GRIN2B: variants seen among roughly 807,000 people sequenced by gnomAD.
GRIN2B encodes glutamate receptor ionotropic, NMDA 2B.
In GRIN2B, 5 loss-of-function variants were observed where a neutral mutation model predicts 114.5. The ratio of observed to expected loss-of-function variants is 0.04; its 90% confidence interval spans 0.02 to 0.09. The LOEUF (loss-of-function observed/expected upper bound fraction) is 0.09, where lower values mean the gene tolerates loss of function less well. Ranked by LOEUF, GRIN2B falls within the 10% of genes least tolerant of loss-of-function variation. GRIN2B has a pLI of 1.00. For synonymous variants in GRIN2B, 787 were observed against 745.1 expected, an observed-to-expected ratio of 1.06 and a Z score of -0.92; for missense variants, 1,108 against 1,943.5, an observed-to-expected ratio of 0.57 and a Z score of 8.08.
intron 2 of GRIN2B, among the ~76,000 whole-genome samples, chr12:13,896,177 G>T (rs944025677): frequency 2.6e-5 from 4 of 152,200 alleles, no homozygotes; most frequent in South Asian, 2.1e-4. Context: ...CAACGAGGAG[G>T]CTCCTTTAAC....
At chr12:13,907,007 T>C (rs758233475) in intron 2 of GRIN2B, among the ~76,000 whole-genome samples, 4 of 152,234 alleles carry the variant, frequency 2.6e-5, no homozygotes, top group Non-Finnish European at 5.9e-5. Context: ...TGGTGTCAGA[T>C]GTTTCACATA....
intron 3 of GRIN2B, among the ~76,000 whole-genome samples, chr12:13,797,328 C>T (rs556741763): frequency 2.0e-5 from 3 of 152,336 alleles, no homozygotes; most frequent in South Asian, 4.1e-4. Flanking sequence ...CCCCCTAATA[C>T]ATCATCACCT....
chr12:13,829,788 G>T (rs189012683), intron 3 of GRIN2B, among the ~76,000 whole-genome samples: 99 of 152,316 alleles, frequency 6.5e-4, no homozygotes, highest in African/African-American at 2.3e-3. Flanking sequence ...GAGAAGGATA[G>T]AAAGATGACT....
At chr12:13,785,386 C>A (rs1864206233) in intron 3 of GRIN2B, among the ~76,000 whole-genome samples, 1 of 152,192 alleles carries the variant, frequency 6.6e-6, no homozygotes, top group African/African-American at 2.4e-5. Context: ...GTGTGAACTA[C>A]TCAGATGGCC....
intron 11 of GRIN2B, among the ~76,000 whole-genome samples, chr12:13,570,807 G>A (rs1369358886): frequency 6.6e-6 from 1 of 152,184 alleles, no homozygotes; most frequent in Non-Finnish European, 1.5e-5. Flanking sequence ...TAGCCTTACA[G>A]GCAATAGAGA....
chr12:13,926,396 A>G (rs556099918), intron 2 of GRIN2B, among the ~76,000 whole-genome samples: 4 of 152,138 alleles, frequency 2.6e-5, no homozygotes, highest in Admixed American at 6.5e-5. Context: ...CACCTAAACA[A>G]TGTGCATTGC....
At position 13,565,614 on chromosome 12, in the gene GRIN2B, C is replaced by T. The variant is rs1011511469; in HGVS notation, c.2599-975G>A. ...CTCCTTCTCACATCTTGTTCCCTGC[C>T]TGGAAAGGTGGACAAACTTGGAACT... is the stretch of plus-strand genomic sequence containing the variant. On this transcript the variant is annotated intron_variant, in intron 13 of 13. Transcript: ENST00000609686. 9.2e-5 allele frequency among the ~76,000 whole-genome samples: 14 copies of T among 152,096 alleles called. 1 individual carries two copies. Among genetic ancestry groups the T allele is most frequent in the African/African-American group, 3.4e-4 (14 of 41,398 alleles).
chr12:13,811,179 G>A (rs570141865), intron 3 of GRIN2B, among the ~76,000 whole-genome samples: 1 of 152,284 alleles, frequency 6.6e-6, no homozygotes, highest in African/African-American at 2.4e-5. Flanking sequence ...AATAGAGTTG[G>A]CAGTATGAAA....
At chr12:13,945,509 G>A (rs1383090583) in intron 2 of GRIN2B, among the ~76,000 whole-genome samples, 2 of 152,188 alleles carry the variant, frequency 1.3e-5, no homozygotes, top group African/African-American at 2.4e-5. Context: ...TTACCTGGCA[G>A]AACAGTGATA....
intron 3 of GRIN2B, among the ~76,000 whole-genome samples, chr12:13,764,339 C>T (rs1414605914): frequency 2.0e-5 from 3 of 152,314 alleles, no homozygotes; most frequent in African/African-American, 7.2e-5. Context: ...TCTTGTCCCT[C>T]CTTGCTGCAA....
rs1948296985 is a variant in GRIN2B at position 13,542,891 on chromosome 12, C to G, written c.*19892G>C. 1 of 152,178 alleles carries G rather than the reference C, an allele frequency of 6.6e-6. No homozygotes were observed. Among genetic ancestry groups the G allele is most frequent in the Admixed American group, 6.5e-5 (1 of 15,268 alleles). The allele number at this position is 152,178 out of a possible 1,614,324, so 9.4% of individuals were successfully genotyped here. On this transcript the variant is annotated 3_prime_UTR_variant, in exon 14 of 14. Transcript: ENST00000609686. ...ATTTCCACTTGCACCTTCCTCATGC[C>G]CTGGGGCCTGGAGGTGGAGATGCCC...
At chr12:13,895,516 C>T (rs1257752149) in intron 2 of GRIN2B, among the ~76,000 whole-genome samples, 9 of 152,048 alleles carry the variant, frequency 5.9e-5, no homozygotes, top group Middle Eastern at 3.2e-3. Context: ...GGCTAAAGCA[C>T]GTCTGTTTTG....
At chr12:13,891,646 G>C (rs1178370404) in intron 2 of GRIN2B, among the ~76,000 whole-genome samples, 1 of 151,990 alleles carries the variant, frequency 6.6e-6, no homozygotes, top group Non-Finnish European at 1.5e-5. Flanking sequence ...AGTTTACAAA[G>C]CTTTTTAAAG....
chr12:13,799,300 G>T (rs1864466542), intron 3 of GRIN2B, among the ~76,000 whole-genome samples: 1 of 152,184 alleles, frequency 6.6e-6, no homozygotes, highest in Non-Finnish European at 1.5e-5. Context: ...GAGTGGCAAA[G>T]GATGGGTGAC....
intron 3 of GRIN2B, among the ~76,000 whole-genome samples, chr12:13,768,294 G>T (rs1863838298): frequency 6.6e-6 from 1 of 152,200 alleles, no homozygotes; most frequent in Non-Finnish European, 1.5e-5. Flanking sequence ...AGTGCCTGCA[G>T]TCTGGGCCTG....
At chr12:13,581,824 T>C (rs1002671661) in intron 10 of GRIN2B, among the ~76,000 whole-genome samples, 1 of 150,808 alleles carries the variant, frequency 6.6e-6, no homozygotes, top group Non-Finnish European at 1.5e-5. Context: ...GCAGGAGGAT[T>C]GCTTGAACTC....
At chr12:13,727,864 G>A (rs1863019322) in intron 4 of GRIN2B, among the ~76,000 whole-genome samples, 1 of 152,164 alleles carries the variant, frequency 6.6e-6, no homozygotes, top group Non-Finnish European at 1.5e-5. Context: ...GGGGTAAAAT[G>A]TAAATCTGTC....
intron 2 of GRIN2B, among the ~76,000 whole-genome samples, chr12:13,969,136 T>C (rs1867836936): frequency 6.6e-6 from 1 of 152,238 alleles, no homozygotes; most frequent in South Asian, 2.1e-4. Context: ...TCATCCTCAC[T>C]GAATTAAATT....
chr12:13,602,587 T>C (rs928083718), intron 10 of GRIN2B, among the ~76,000 whole-genome samples: 7 of 152,188 alleles, frequency 4.6e-5, no homozygotes, highest in African/African-American at 7.2e-5. Context: ...GTGGAGTAAA[T>C]TTGCTTATCA....
Sources: gnomAD v4.1 joint callset for allele counts (sites outside exome capture counted in the v4.1 genomes callset) on GRCh38, gnomAD v4.1.1 for gene constraint, MANE v1.5 for transcripts, NCBI Gene and HGNC (gene_info 2026-07-23, HGNC 2026-07-21) for gene names.